Variants in PTPN13 observed in about 807,000 individuals in gnomAD.
The protein encoded by PTPN13 is tyrosine-protein phosphatase non-receptor type 13.
In PTPN13, 191 loss-of-function variants were observed where a neutral mutation model predicts 284.0. The ratio of observed to expected loss-of-function variants is 0.67; its 90% confidence interval spans 0.60 to 0.76. The LOEUF (loss-of-function observed/expected upper bound fraction) is 0.76. Ranked by LOEUF, PTPN13 falls within the 30% of genes least tolerant of loss-of-function variation. The probability of loss-of-function intolerance (pLI) is 0.00; values close to 1 mark genes in which losing one functional copy is unlikely to be tolerated. For synonymous variants in PTPN13, 986 were observed against 1,022.3 expected, an observed-to-expected ratio of 0.96 and a Z score of 0.68; for missense variants, 2,797 against 2,939.9, an observed-to-expected ratio of 0.95 and a Z score of 1.12.
At chr4:86,705,202 T>C (rs1037017817) in intron 7 of PTPN13, among the ~76,000 whole-genome samples, 3 of 151,790 alleles carry the variant, frequency 2.0e-5, no homozygotes, top group African/African-American at 4.8e-5. Flanking sequence ...GGTGTGGTGG[T>C]ACATGCCTGT....
At chr4:86,689,803 C>A (rs1177152361) in intron 5 of PTPN13, 2 of 699,152 alleles carry the variant, frequency 2.9e-6, no homozygotes, top group Non-Finnish European at 5.2e-6. Flanking sequence ...GAAAGTCCCA[C>A]CTCTGTTCTG....
At chr4:86,670,482 T>C (rs1392872462) in intron 2 of PTPN13, among the ~76,000 whole-genome samples, 1 of 151,076 alleles carries the variant, frequency 6.6e-6, no homozygotes, top group African/African-American at 2.5e-5. Context: ...AGAGTCCTCT[T>C]TTTCTGTCAC....
Position 86,647,255 on chromosome 4 carries a change from A to G in PTPN13, c.115+11884A>G, listed in dbSNP as rs141064211. On this transcript the variant is annotated intron_variant, in intron 2 of 47. Transcript: ENST00000411767. The stretch of plus-strand genomic sequence containing the variant: ...CAGTTATTCCCTAACAAATCTGCTT[A>G]ACGAAAAGGAATATCAAACATTTTT... 1.5e-3 allele frequency among the ~76,000 whole-genome samples: 221 copies of G among 152,304 alleles called. 2 individuals are homozygous for G. The highest frequency in any genetic ancestry group is 5.0e-3 in the African/African-American group (209 of 41,574).
intron 10 of PTPN13, among the ~76,000 whole-genome samples, chr4:86,724,898 A>T (rs370934357): frequency 6.6e-6 from 1 of 151,802 alleles, no homozygotes; most frequent in Non-Finnish European, 1.5e-5. Flanking sequence ...GACATGTGCC[A>T]TGTTGGTTTG....
At chr4:86,635,566 A>C (rs907764319) in intron 2 of PTPN13, among the ~76,000 whole-genome samples, 195 bp downstream of exon 2, 1 of 152,200 alleles carries the variant, frequency 6.6e-6, no homozygotes, top group African/African-American at 2.4e-5. Context: ...AATATCTTCT[A>C]TGTGCCCAAT....
chr4:86,683,338 T>A (rs1368396421), intron 3 of PTPN13, among the ~76,000 whole-genome samples: 1 of 152,164 alleles, frequency 6.6e-6, no homozygotes, highest in Non-Finnish European at 1.5e-5. Flanking sequence ...GAATTGCTGG[T>A]GTAGTTCTAG....
At position 86,686,750 on chromosome 4, in the gene PTPN13, C is replaced by A; in HGVS notation, c.335C>A (p.Ala112Asp). The A allele has an allele frequency of 1.3e-6, 2 of 1,580,802 alleles. No individual in the cohort carries two copies. Among genetic ancestry groups the A allele is most frequent in the Admixed American group, 1.8e-5 (1 of 56,120 alleles). ...CTTGGAATGACACTGTATTGGGGGGCTGATTATGAAGTGCCTCAGAGCCAA... is the reference window on the plus strand; with the variant it reads ...CTTGGAATGACACTGTATTGGGGGGATGATTATGAAGTGCCTCAGAGCCAA... ...YSLGMTLYWG[A>D]DYEVPQSQPI... Residue 112 changes from alanine to aspartate, a missense_variant, in exon 4 of 48, where the codon GCT becomes GAT. By Grantham distance (126) the Ala-to-Asp change is moderately radical. Coordinates refer to ENST00000411767, the MANE Select transcript of PTPN13 (RefSeq NM_080683.3).
In PTPN13 at chr4:86,672,513, G is replaced by A; in HGVS notation, c.264G>A (p.Gln88=). 6.2e-7 allele frequency: 1 copy of A among 1,606,866 alleles called. No individual in the cohort carries two copies. The highest frequency in any genetic ancestry group is 8.5e-7 in the Non-Finnish European group (1 of 1,176,540). The change falls in exon 3 of 48, where the codon CAG becomes CAA. Residue 88 remains glutamine, a synonymous_variant. Transcript: ENST00000411767. ...CTGCACCAGAGGTTCTTCAAAATCAGTCACTAACTTCTCTCTCAGATGTTG... is the reference window on the plus strand; with the variant it reads ...CTGCACCAGAGGTTCTTCAAAATCAATCACTAACTTCTCTCTCAGATGTTG... The part of the protein sequence containing the change: ...AFTAPEVLQN[Q]SLTSLSDVEK...
At chr4:86,701,138 A>G in intron 6 of PTPN13, 103 bp from the exon 7 acceptor site, 1 of 810,634 alleles carries the variant, frequency 1.2e-6, no homozygotes, top group Non-Finnish European at 1.9e-6. Context: ...TTCCATTTGG[A>G]GCATTTAGGA....
At chr4:86,606,782 G>A (rs750188869) in intron 1 of PTPN13, among the ~76,000 whole-genome samples, 2 of 151,688 alleles carry the variant, frequency 1.3e-5, no homozygotes, top group African/African-American at 2.4e-5. Context: ...ATTGCATAAA[G>A]TCACCTAGTT....
chr4:86,666,476 T>C (rs1342053394), intron 2 of PTPN13, among the ~76,000 whole-genome samples: 1 of 152,232 alleles, frequency 6.6e-6, no homozygotes, highest in Non-Finnish European at 1.5e-5. Flanking sequence ...AGACTTAAAA[T>C]GGGAAACTAA....
At chr4:86,788,558 C>A (rs1742255517) in intron 40 of PTPN13, among the ~76,000 whole-genome samples, 2 of 152,166 alleles carry the variant, frequency 1.3e-5, no homozygotes, top group Admixed American at 1.3e-4. Flanking sequence ...TTTATACATT[C>A]ATTGTATTTC....
chr4:86,810,005 G>A (rs781100924), intron 46 of PTPN13, 21 bp downstream of exon 46: 2 of 1,589,272 alleles, frequency 1.3e-6, no homozygotes, highest in Admixed American at 1.7e-5. Context: ...GATATTGGCT[G>A]AGTAAGCATT....
Position 86,814,775 on chromosome 4 carries a change from A to G in PTPN13, c.*224A>G. 1 of 451,946 alleles carries G rather than the reference A, an allele frequency of 2.2e-6. No homozygotes were observed. The highest frequency in any genetic ancestry group is 3.6e-5 in the East Asian group (1 of 28,108). The allele number at this position is 451,946 out of a possible 1,614,324, so 28.0% of individuals were successfully genotyped here. A position where few individuals can be genotyped will look rare whatever the true frequency, so the allele number is the denominator to read the frequency against. ...TATTTACAAAATTTTAACACTAACC[A>G]AACAATGCAGATCTTAGGGATGATT... On this transcript the variant is annotated 3_prime_UTR_variant, in exon 48 of 48. Transcript: ENST00000411767.
chr4:86,708,473 C>G lies in PTPN13; in HGVS notation c.1195+6672C>G, dbSNP rs149469912. Among the ~76,000 whole-genome samples, 41 of 152,180 alleles carry G rather than the reference C, an allele frequency of 2.7e-4. No individual in the cohort carries two copies. The East Asian group carries it at 6.6e-3, about 24-fold the overall frequency. Reference sequence around the variant, plus strand: ...ATACAGACTTTCCAGTGTCTGTACTCATGATAACGTGAGATCAGAGTTCAC... The same window carrying G: ...ATACAGACTTTCCAGTGTCTGTACTGATGATAACGTGAGATCAGAGTTCAC... On this transcript the variant is annotated intron_variant, in intron 7 of 47. Transcript: ENST00000411767.
chr4:86,722,536 C>T (rs933958411), intron 10 of PTPN13, 102 bp downstream of exon 10: 1 of 843,118 alleles, frequency 1.2e-6, no homozygotes, highest in Non-Finnish European at 1.9e-6. Context: ...TCTAAAGTTA[C>T]CTGTAGATGA....
intron 1 of PTPN13, among the ~76,000 whole-genome samples, chr4:86,604,894 G>T (rs968878370): frequency 6.6e-6 from 1 of 151,828 alleles, no homozygotes; most frequent in Admixed American, 6.6e-5. Flanking sequence ...AGAAAAGACA[G>T]GAAGCCATTA....
At chr4:86,739,843 A>G (rs912609882) in intron 15 of PTPN13, among the ~76,000 whole-genome samples, 1 of 152,220 alleles carries the variant, frequency 6.6e-6, no homozygotes, top group African/African-American at 2.4e-5. Context: ...AAATACAGCC[A>G]TTCCAAATGG....
intron 1 of PTPN13, among the ~76,000 whole-genome samples, chr4:86,624,371 C>G (rs1430558905): frequency 6.6e-6 from 1 of 152,046 alleles, no homozygotes; most frequent in African/African-American, 2.4e-5. Context: ...AAGAGAATAC[C>G]CAGGGACCAG....
Sources: gnomAD v4.1 joint callset for allele counts (sites outside exome capture counted in the v4.1 genomes callset) on GRCh38, gnomAD v4.1.1 for gene constraint, MANE v1.5 for transcripts, NCBI Gene and HGNC (gene_info 2026-07-23, HGNC 2026-07-21) for gene names.